PLPP4: variants seen among roughly 807,000 people sequenced by gnomAD.
PLPP4 encodes the protein phospholipid phosphatase 4, also known as diacylglycerol pyrophosphate like 2.
PLPP4 carries 20 observed loss-of-function variants against 32.2 expected under a neutral mutation model. The observed-to-expected ratio is 0.62, with a 90% CI of 0.44 to 0.90. The LOEUF (loss-of-function observed/expected upper bound fraction) is 0.90. Ranked by LOEUF, PLPP4 falls within the 40% of genes least tolerant of loss-of-function variation. The probability of loss-of-function intolerance (pLI) is 0.00; values close to 1 mark genes in which losing one functional copy is unlikely to be tolerated. For missense variants in PLPP4, 257 were observed against 353.1 expected (o/e 0.73, Z 2.18); for synonymous variants, 127 against 133.0 (o/e 0.95, Z 0.31).
chr10:120,518,383 G>A (rs1256347912), intron 3 of PLPP4, among the ~76,000 whole-genome samples: 3 of 152,142 alleles, frequency 2.0e-5, no homozygotes, highest in Admixed American at 6.5e-5. Flanking sequence ...GATAATTGCC[G>A]AGTGGGAATG....
chr10:120,521,047 G>A lies in PLPP4; in HGVS notation c.397G>A (p.Asp133Asn), dbSNP rs768298628. The A allele has an allele frequency of 2.0e-5, 32 of 1,613,920 alleles. No individual in the cohort carries two copies. The highest frequency in any genetic ancestry group is 1.3e-4 in the African/African-American group (10 of 74,876). Residue 133 changes from aspartate (D) to asparagine (N), a missense_variant, in exon 5 of 7, where the codon GAT (aspartate) becomes AAT (asparagine). By Grantham distance (23) the Asp-to-Asn change is conservative. Coordinates refer to ENST00000398250, the MANE Select transcript of PLPP4 (RefSeq NM_001030059.3). ...NSEMHCTGDP[D>N]LVSEGRKSFP... Reference sequence around the variant, plus strand: ...GGAAATGCATTGCACAGGTGACCCCGATCTGGTGTCCGAGGGCCGCAAAAG... The same window carrying A: ...GGAAATGCATTGCACAGGTGACCCCAATCTGGTGTCCGAGGGCCGCAAAAG...
chr10:120,514,978 A>G (rs892402378), intron 3 of PLPP4, among the ~76,000 whole-genome samples: 1 of 152,164 alleles, frequency 6.6e-6, no homozygotes, highest in African/African-American at 2.4e-5. Flanking sequence ...GTAGCAAAAT[A>G]TGATCCTCCC....
At chr10:120,495,516 T>A (rs376048446) in intron 1 of PLPP4, among the ~76,000 whole-genome samples, 1 of 152,262 alleles carries the variant, frequency 6.6e-6, no homozygotes, top group South Asian at 2.1e-4. Flanking sequence ...TTTTCCCCAT[T>A]GCCCGAGAGA....
chr10:120,531,460 A>C (rs1846717553), intron 5 of PLPP4, among the ~76,000 whole-genome samples: 1 of 152,182 alleles, frequency 6.6e-6, no homozygotes, highest in African/African-American at 2.4e-5. Context: ...ATTTTGATTA[A>C]ATCTAATTTA....
chr10:120,557,560 A>G (rs1260926246), intron 5 of PLPP4, among the ~76,000 whole-genome samples: 1 of 152,200 alleles, frequency 6.6e-6, no homozygotes, highest in African/African-American at 2.4e-5. Flanking sequence ...TGAGGAGCAC[A>G]GCTTCTGTTT....
chr10:120,538,046 C>CTGTGTGTGTG (rs1564825161), intron 5 of PLPP4, among the ~76,000 whole-genome samples: 1 of 24,704 alleles, frequency 4.0e-5, no homozygotes, highest in African/African-American at 1.7e-4. Context: ...CTCTCTCTCT[C>CTGTGTGTGTG]TCTCTCTGTG....
At chr10:120,470,071 A>G (rs745758926) in intron 1 of PLPP4, among the ~76,000 whole-genome samples, 1 of 152,230 alleles carries the variant, frequency 6.6e-6, no homozygotes, top group Non-Finnish European at 1.5e-5. Context: ...AGAGCTACAC[A>G]TATTTACATT....
At chr10:120,487,567 C>T (rs541854586) in intron 1 of PLPP4, among the ~76,000 whole-genome samples, 2 of 152,242 alleles carry the variant, frequency 1.3e-5, no homozygotes, top group East Asian at 3.9e-4. Context: ...ATTACTTGAC[C>T]TTTAAATCAG....
intron 1 of PLPP4, among the ~76,000 whole-genome samples, chr10:120,500,185 G>A (rs1845176344): frequency 6.6e-6 from 1 of 152,146 alleles, no homozygotes. Flanking sequence ...AAGCCTGGGT[G>A]CACCAGTCTT....
intron 3 of PLPP4, among the ~76,000 whole-genome samples, chr10:120,516,817 T>G (rs1040398188): frequency 6.6e-6 from 1 of 152,170 alleles, no homozygotes; most frequent in African/African-American, 2.4e-5. Flanking sequence ...AGCACAGCCT[T>G]CTCTGGTATC....
intron 1 of PLPP4, among the ~76,000 whole-genome samples, chr10:120,482,998 G>GCT: frequency 6.6e-6 from 1 of 152,150 alleles, no homozygotes; most frequent in East Asian, 1.9e-4. Context: ...CCCTCAATCT[G>GCT]GGTGGGCATC....
At chr10:120,503,572 C>T (rs1167939483) in intron 1 of PLPP4, 1 of 1,608,762 alleles carries the variant, frequency 6.2e-7, no homozygotes, top group East Asian at 2.2e-5. Context: ...CACAAAGCTA[C>T]TCCCTTATGC....
chr10:120,587,588 C>T (rs1849820627), intron 6 of PLPP4: 1 of 152,146 alleles, frequency 6.6e-6, no homozygotes, highest in Non-Finnish European at 1.5e-5. Context: ...AGAAGCAATT[C>T]TATGAAAGAT....
chr10:120,574,933 C>T (rs978189880), intron 5 of PLPP4, among the ~76,000 whole-genome samples, 198 bp from the exon 6 acceptor site: 5 of 151,696 alleles, frequency 3.3e-5, no homozygotes, highest in Non-Finnish European at 5.9e-5. Flanking sequence ...CACATATAAC[C>T]CTGGAAGATT....
intron 3 of PLPP4, among the ~76,000 whole-genome samples, chr10:120,517,235 AAC>A (rs923334720): frequency 8.5e-4 from 129 of 152,294 alleles, no homozygotes; most frequent in African/African-American, 2.9e-3. Flanking sequence ...CCACTGGGAA[AAC>A]ACAGCCGTGA....
At chr10:120,466,677 C>T (rs1424908288) in intron 1 of PLPP4, among the ~76,000 whole-genome samples, 1 of 152,110 alleles carries the variant, frequency 6.6e-6, no homozygotes, top group Admixed American at 6.5e-5. Context: ...TAGGTCAAAA[C>T]ACTCAAATCA....
intron 5 of PLPP4, among the ~76,000 whole-genome samples, chr10:120,536,231 T>A (rs915144093): frequency 6.6e-6 from 1 of 151,928 alleles, no homozygotes; most frequent in African/African-American, 2.4e-5. Context: ...AGACCCCAGA[T>A]AGGTAAATCA....
At chr10:120,487,223 C>T (rs1456297197) in intron 1 of PLPP4, among the ~76,000 whole-genome samples, 1 of 152,166 alleles carries the variant, frequency 6.6e-6, no homozygotes, top group African/African-American at 2.4e-5. Context: ...ACAGATTGAG[C>T]GTGGTGAGAG....
At chr10:120,517,641 T>G (rs1253204532) in intron 3 of PLPP4, among the ~76,000 whole-genome samples, 1 of 152,206 alleles carries the variant, frequency 6.6e-6, no homozygotes, top group East Asian at 1.9e-4. Context: ...CATCTCACAC[T>G]TAGGTGATTT....
Sources: allele counts gnomAD v4.1 joint callset (sites outside exome capture counted in the v4.1 genomes callset), GRCh38; gene constraint gnomAD v4.1.1; transcripts MANE v1.5; gene names NCBI Gene and HGNC (gene_info 2026-07-23, HGNC 2026-07-21).